CCAR2: variants seen among roughly 807,000 people sequenced by gnomAD.
CCAR2 encodes the protein cell cycle and apoptosis regulator protein 2.
Under a neutral mutation model 108.1 loss-of-function variants are expected in CCAR2, and 21 were observed. The ratio of observed to expected loss-of-function variants is 0.19; its 90% CI spans 0.14 to 0.28. CCAR2 has a LOEUF of 0.28. Among genes scored for constraint, CCAR2 ranks in the 10% least tolerant of loss-of-function variants. The pLI, the probability that CCAR2 is intolerant of heterozygous loss-of-function variation, is 1.00. For missense variants in CCAR2, 1,126 were observed against 1,177.0 expected (o/e 0.96, Z 0.63); for synonymous variants, 577 against 472.8 (o/e 1.22, Z -2.86).
Position 22,605,838 on chromosome 8 carries a change from A to G in CCAR2, c.58+7A>G. 3.7e-6 allele frequency: 6 copies of G among 1,613,464 alleles called. No homozygotes were observed. Among genetic ancestry groups the G allele is most frequent in the Non-Finnish European group, 5.1e-6 (6 of 1,179,620 alleles). On this transcript the variant is annotated splice_region_variant and intron_variant, in intron 2 of 20. Transcript: ENST00000308511. ...GGGGGACGCAACTTCTCAGGTGATC[A>G]CTGTTCTCCCTACCTGGCCTCATCC...
intron 16 of CCAR2, 111 bp downstream of exon 16, chr8:22,617,889 C>A: frequency 9.0e-7 from 1 of 1,106,126 alleles, no homozygotes; most frequent in Non-Finnish European, 1.4e-6. Flanking sequence ...TCTTGATGGA[C>A]CCAACACACA....
intron 1 of CCAR2, 68 bp downstream of exon 1, chr8:22,604,910 C>G (rs1801003983): frequency 2.6e-6 from 1 of 383,762 alleles, no homozygotes; most frequent in Non-Finnish European, 5.1e-6. Context: ...GGCCGAGGGG[C>G]TGCGAGGGCC....
chr8:22,606,458 T>G lies in CCAR2; in HGVS notation c.151-149T>G, dbSNP rs776956689. The G allele has an allele frequency of 5.8e-5, 39 of 672,140 alleles. No homozygotes were observed. In the Middle Eastern group the frequency reaches 1.2e-3, roughly 21 times the overall value. The allele number at this position is 672,140 out of a possible 1,614,324, so 41.6% of individuals were successfully genotyped here. A position where few individuals can be genotyped will look rare whatever the true frequency, so the allele number is the denominator to read the frequency against. On this transcript the variant is annotated intron_variant, in intron 3 of 20. Transcript: ENST00000308511. ...CATGCCCCAACCCCTAATGATGGAGTATGCCCACCACACCTGTACTTCACT... is the reference window on the plus strand; with the variant it reads ...CATGCCCCAACCCCTAATGATGGAGGATGCCCACCACACCTGTACTTCACT...
intron 15 of CCAR2, 24 bp downstream of exon 15, chr8:22,617,588 G>A: frequency 6.2e-7 from 1 of 1,605,574 alleles, no homozygotes; most frequent in Non-Finnish European, 8.5e-7. Flanking sequence ...TGAGAGGGGA[G>A]CTTGCAGGCT....
At chr8:22,614,671 T>G (rs539472403) in intron 10 of CCAR2, 167 bp from the exon 11 acceptor site, 79 of 1,058,104 alleles carry the variant, frequency 7.5e-5, no homozygotes, top group Middle Eastern at 2.0e-4. Flanking sequence ...TTACGACTAG[T>G]CAGAGAGAGC....
rs13250541 is a variant in CCAR2 at position 22,614,927 on chromosome 8, G to A, written c.1131G>A (p.Pro377=). 44 of 1,612,796 alleles carry A rather than the reference G, an allele frequency of 2.7e-5. No individual in the cohort carries two copies. Among genetic ancestry groups the A allele is most frequent in the Non-Finnish European group, 3.0e-5 (35 of 1,179,650 alleles). ...ATGGCCTCGACCCCCAGGCTGACCC[G>A]CAGGTGCTGGTGCGTACCGCCATCC... ...SLDGLDPQAD[P]QVLVRTAIRC... Residue 377 remains proline, a synonymous_variant, in exon 11 of 21, where the codon CCG becomes CCA. Coordinates refer to ENST00000308511, the MANE Select transcript of CCAR2 (RefSeq NM_001393997.1).
chr8:22,615,332 G>T (rs1025431490), intron 11 of CCAR2, 93 bp from the exon 12 acceptor site: 1 of 1,451,744 alleles, frequency 6.9e-7, no homozygotes, highest in East Asian at 2.3e-5. Context: ...TGCTCATTGA[G>T]TGCTGACTGG....
At chr8:22,620,480 G>C (rs1363274546), downstream of CCAR2, 1 of 141,582 alleles carries the variant, frequency 7.1e-6, no homozygotes, top group African/African-American at 2.6e-5. Context: ...AACTGAGAGT[G>C]TGTCCTCCAC....
chr8:22,616,334 G>A, intron 14 of CCAR2, 86 bp downstream of exon 14: 2 of 1,283,490 alleles, frequency 1.6e-6, no homozygotes, highest in Non-Finnish European at 2.2e-6. Context: ...CGCTTCCTGT[G>A]CCTTAGCTCA....
In CCAR2 at chr8:22,619,783, C is replaced by A; in HGVS notation, c.*101C>A. The A allele has an allele frequency of 7.5e-7, 1 of 1,336,982 alleles. No individual in the cohort carries two copies. Among genetic ancestry groups the A allele is most frequent in the South Asian group, 1.3e-5 (1 of 79,276 alleles). 82.8% of individuals were successfully genotyped at this position (1,336,982 alleles called of 1,614,324 possible). ...AAGCAGCGAGAGCGAGACCTGGGAGCCAGGGCAGGGGTGGCTGACCCCATG... is the reference window on the plus strand; with the variant it reads ...AAGCAGCGAGAGCGAGACCTGGGAGACAGGGCAGGGGTGGCTGACCCCATG... On this transcript the variant is annotated 3_prime_UTR_variant, in exon 21 of 21. Transcript: ENST00000308511.
downstream of CCAR2, chr8:22,621,355 G>T (rs1801805527): frequency 3.2e-6 from 5 of 1,544,034 alleles, no homozygotes; most frequent in South Asian, 1.2e-5. Context: ...GGAGCAGCTA[G>T]CCCTGAGAAG....
At chr8:22,607,376 A>T (rs951007314) in intron 6 of CCAR2, 51 bp downstream of exon 6, 5 of 1,594,250 alleles carry the variant, frequency 3.1e-6, no homozygotes, top group Non-Finnish European at 3.4e-6. Context: ...GGTAGTTTAG[A>T]TCAATGGACT....
chr8:22,609,133 C>G (rs545807072), intron 7 of CCAR2, among the ~76,000 whole-genome samples: 22 of 151,464 alleles, frequency 1.5e-4, no homozygotes, highest in Admixed American at 1.2e-3. Flanking sequence ...TCATTGCAGC[C>G]TTGATCTCTC....
In CCAR2 at chr8:22,620,368, C is replaced by CTCTTTCCA. The variant is rs1554563761; in HGVS notation, c.*688_*695dup. The CTCTTTCCA allele has an allele frequency of 2.0e-5, 3 of 151,810 alleles. No homozygotes were observed. The East Asian group carries it at 5.8e-4, about 29-fold the overall frequency. 9.4% of individuals were successfully genotyped at this position (151,810 alleles called of 1,614,324 possible). ...CTCCCCTGTTACCCATAATTCTTGCCTCTTTCCATAATCCGTGGTTTCAGT... is the reference window on the plus strand; with the variant it reads ...CTCCCCTGTTACCCATAATTCTTGCCTCTTTCCATCTTTCCATAATCCGTGGTTTCAGT... On this transcript the variant is annotated 3_prime_UTR_variant, in exon 21 of 21. Transcript: ENST00000308511.
At chr8:22,607,376 A>G (rs951007314) in intron 6 of CCAR2, 51 bp downstream of exon 6, 2 of 1,594,250 alleles carry the variant, frequency 1.3e-6, no homozygotes, top group African/African-American at 2.7e-5. Context: ...GGTAGTTTAG[A>G]TCAATGGACT....
In CCAR2 at chr8:22,619,860, G is replaced by C. The variant is rs1204072117; in HGVS notation, c.*178G>C. 2 of 636,168 alleles carry C rather than the reference G, an allele frequency of 3.1e-6. No homozygotes were observed. The highest frequency in any genetic ancestry group is 3.7e-5 in the African/African-American group (2 of 54,784). The allele number at this position is 636,168 out of a possible 1,614,324, so 39.4% of individuals were successfully genotyped here. A position where few individuals can be genotyped will look rare whatever the true frequency, so the allele number is the denominator to read the frequency against. On this transcript the variant is annotated 3_prime_UTR_variant, in exon 21 of 21. Transcript: ENST00000308511. ...TCAGGCTGGGGGCTGTGCTATGTGG[G>C]ATGGATGTGTGAGGAACCCCGGTTC...
rs145362940 is a variant in CCAR2 at position 22,611,388 on chromosome 8, A to ATGTGTG, written c.585-1617_585-1612dup. ...AAAAAAAAAAAAAAAAAGTATATAT[A>ATGTGTG]TGTGTGTGTGTGTGTGTATGTGTGT... On this transcript the variant is annotated intron_variant, in intron 7 of 20. Coordinates refer to ENST00000308511, the MANE Select transcript of CCAR2 (RefSeq NM_001393997.1). Among the ~76,000 whole-genome samples, 953 of 128,288 alleles carry ATGTGTG rather than the reference A, an allele frequency of 7.4e-3. 11 individuals are homozygous for ATGTGTG. Among genetic ancestry groups the ATGTGTG allele is most frequent in the African/African-American group, 0.022 (687 of 31,330 alleles). The allele number at this position is 128,288 out of a possible 152,430, so 84.2% of individuals were successfully genotyped here.
At position 22,619,604 on chromosome 8, in the gene CCAR2, G is replaced by GC. The variant is rs547066102; in HGVS notation, c.2728-31dup. Reference sequence around the variant, plus strand: ...CGCAGTCCTCAGATCACCTTGCCAGGCCCGATTCTGGGTACATCATCTGTT... The same window carrying GC: ...CGCAGTCCTCAGATCACCTTGCCAGGCCCCGATTCTGGGTACATCATCTGTT... On this transcript the variant is annotated intron_variant, in intron 20 of 20. Transcript: ENST00000308511. The GC allele has an allele frequency of 5.5e-4, 849 of 1,543,812 alleles. 8 individuals carry two copies. The African/African-American group carries it at 0.011, about 20-fold the overall frequency.
chr8:22,610,006 T>G (rs1247461441), intron 7 of CCAR2, among the ~76,000 whole-genome samples: 1 of 152,192 alleles, frequency 6.6e-6, no homozygotes, highest in African/African-American at 2.4e-5. Context: ...GATTTGGATT[T>G]TTGGATTTGG....
Sources: gnomAD v4.1 joint callset for allele counts (sites outside exome capture counted in the v4.1 genomes callset) on GRCh38, gnomAD v4.1.1 for gene constraint, MANE v1.5 for transcripts, NCBI Gene and HGNC (gene_info 2026-07-23, HGNC 2026-07-21) for gene names.